The following ADARB2 variants were observed in gnomAD, a reference collection of about 807,000 sequenced individuals.
ADARB2 encodes adenosine deaminase RNA specific B2 (inactive).
ADARB2 carries 25 observed loss-of-function variants against 62.2 expected under a neutral mutation model. The observed-to-expected ratio is 0.40, with a 90% CI of 0.29 to 0.56. The LOEUF is 0.56. ADARB2 is among the 20% of genes least tolerant of loss of function. The pLI, the probability that ADARB2 is intolerant of heterozygous loss-of-function variation, is 0.43. For missense variants in ADARB2, 1,071 were observed against 1,077.4 expected (o/e 0.99, Z 0.08); for synonymous variants, 572 against 500.8 (o/e 1.14, Z -1.90).
At chr10:1,229,845 C>CGT (rs761808070) in intron 6 of ADARB2, among the ~76,000 whole-genome samples, 2,380 of 120,186 alleles carry the variant, frequency 0.02, 37 homozygotes, top group South Asian at 0.054. Flanking sequence ...CATGTGCTTA[C>CGT]GTGTGTGTGT....
Position 1,557,588 on chromosome 10 carries a change from C to T in ADARB2, c.101-178428G>A, listed in dbSNP as rs573937426. Among the ~76,000 whole-genome samples, 426 of 152,278 alleles carry T rather than the reference C, an allele frequency of 2.8e-3. 1 individual carries two copies. The highest frequency in any genetic ancestry group is 9.6e-3 in the African/African-American group (400 of 41,540). On this transcript the variant is annotated intron_variant, in intron 1 of 9. Transcript: ENST00000381312. ...TCACCTTCCTAATTCCGAGCTGTTG[C>T]CCACATTTGTTTATTTTATCAAAAG...
chr10:1,307,434 G>T (rs1831639901), intron 3 of ADARB2, among the ~76,000 whole-genome samples: 2 of 141,920 alleles, frequency 1.4e-5, no homozygotes, highest in South Asian at 5.3e-4. Flanking sequence ...GAAACAACAG[G>T]TGCTGGAGAG....
At chr10:1,187,795 G>A (rs1182807103) in intron 8 of ADARB2, 5 of 397,660 alleles carry the variant, frequency 1.3e-5, no homozygotes, top group African/African-American at 6.1e-5. Context: ...CGAGGGAGGC[G>A]CTGGCGGGTG....
rs1264506192 is a variant in ADARB2 at position 1,275,841 on chromosome 10, AT to A, written c.1078-4773del. Among the ~76,000 whole-genome samples the A allele has an allele frequency of 8.5e-4, 129 of 151,854 alleles. 1 individual carries two copies. The highest frequency in any genetic ancestry group is 2.9e-3 in the African/African-American group (121 of 41,300). ...TCCCTACAAAGGACACGAACTCATC[AT>A]TTTTTATGGCTGCATAGTATTCCAT... On this transcript the variant is annotated intron_variant, in intron 3 of 9. Coordinates refer to ENST00000381312, the MANE Select transcript of ADARB2 (RefSeq NM_018702.4).
At chr10:1,242,569 A>G (rs1188972299) in intron 4 of ADARB2, among the ~76,000 whole-genome samples, 1 of 152,198 alleles carries the variant, frequency 6.6e-6, no homozygotes, top group Non-Finnish European at 1.5e-5. Flanking sequence ...CTCCTTAGGC[A>G]CCATAGGAGC....
rs73586259 is a variant in ADARB2, at chr10:1,525,495, C to T, written c.101-146335G>A. Among the ~76,000 whole-genome samples, 473 of 152,178 alleles carry T rather than the reference C, an allele frequency of 3.1e-3. 2 individuals carry two copies. Among genetic ancestry groups the T allele is most frequent in the African/African-American group, 0.011 (451 of 41,508 alleles). On this transcript the variant is annotated intron_variant, in intron 1 of 9. Coordinates refer to ENST00000381312, the MANE Select transcript of ADARB2 (RefSeq NM_018702.4). Reference sequence around the variant, plus strand: ...TCTCATGGTCTCTCTTCGCCTCAGCCGTGCAGTTCTGTGGGTATCTAGGGG... The same window carrying T: ...TCTCATGGTCTCTCTTCGCCTCAGCTGTGCAGTTCTGTGGGTATCTAGGGG...
intron 3 of ADARB2, among the ~76,000 whole-genome samples, chr10:1,312,067 A>G (rs543852536): frequency 4.6e-5 from 7 of 152,372 alleles, no homozygotes; most frequent in Admixed American, 2.6e-4. Context: ...AACTCATGTG[A>G]AAATAAAGTA....
intron 1 of ADARB2, among the ~76,000 whole-genome samples, chr10:1,390,029 T>A (rs1426300055): frequency 6.6e-6 from 1 of 152,178 alleles, no homozygotes; most frequent in Non-Finnish European, 1.5e-5. Flanking sequence ...CGTCACAGCT[T>A]AAAATGGGAG....
chr10:1,475,762 T>C (rs1831391374), intron 1 of ADARB2, among the ~76,000 whole-genome samples: 1 of 152,208 alleles, frequency 6.6e-6, no homozygotes, highest in Non-Finnish European at 1.5e-5. Context: ...GAGATAGGGC[T>C]GCCCAATGGA....
At chr10:1,561,549 G>T (rs925061109) in intron 1 of ADARB2, among the ~76,000 whole-genome samples, 9 of 152,132 alleles carry the variant, frequency 5.9e-5, no homozygotes, top group Admixed American at 5.2e-4. Flanking sequence ...GTTCACCCAG[G>T]CTGAGAACCA....
intron 1 of ADARB2, among the ~76,000 whole-genome samples, chr10:1,438,397 C>T (rs531148840): frequency 2.3e-4 from 34 of 145,206 alleles, no homozygotes; most frequent in African/African-American, 8.8e-4. Context: ...TCATGGGGCT[C>T]CTGAGTCTCC....
At chr10:1,501,063 C>T (rs1051933209) in intron 1 of ADARB2, among the ~76,000 whole-genome samples, 18 of 152,124 alleles carry the variant, frequency 1.2e-4, no homozygotes, top group African/African-American at 3.4e-4. Flanking sequence ...TTAGTAGAGA[C>T]GGGGTTTCAT....
chr10:1,522,896 C>T (rs939085215), intron 1 of ADARB2, among the ~76,000 whole-genome samples: 1 of 152,140 alleles, frequency 6.6e-6, no homozygotes, highest in African/African-American at 2.4e-5. Flanking sequence ...TTGTTTGTGC[C>T]GCTCCAGTCC....
chr10:1,510,110 C>CTCTTTCTTTCTTTCTTTCTTCTT (rs1831909144), intron 1 of ADARB2, among the ~76,000 whole-genome samples: 11 of 106,252 alleles, frequency 1.0e-4, no homozygotes, highest in African/African-American at 4.0e-4. Flanking sequence ...CTTTCTTTCT[C>CTCTTTCTTTCTTTCTTTCTTCTT]TCTTTCTTTC....
At chr10:1,246,844 C>A (rs1220710479) in intron 4 of ADARB2, among the ~76,000 whole-genome samples, 2 of 150,912 alleles carry the variant, frequency 1.3e-5, no homozygotes, top group African/African-American at 4.9e-5. Context: ...TCCATATGAA[C>A]TTTAGTTTTT....
chr10:1,626,324 A>ACAC (rs1833768617), intron 1 of ADARB2, among the ~76,000 whole-genome samples: 12 of 140,748 alleles, frequency 8.5e-5, no homozygotes, highest in Non-Finnish European at 1.2e-4. Context: ...ACGTCTGCCC[A>ACAC]TGCTCTCTCC....
At chr10:1,723,665 C>A (rs912211534) in intron 1 of ADARB2, among the ~76,000 whole-genome samples, 3 of 152,128 alleles carry the variant, frequency 2.0e-5, no homozygotes, top group Non-Finnish European at 4.4e-5. Flanking sequence ...CTTAGAATCA[C>A]CACGGTTCTC....
Position 1,179,062 on chromosome 10 carries a change from T to C in ADARB2, c.*4131A>G, listed in dbSNP as rs979297000. 10 of 152,252 alleles carry C rather than the reference T, an allele frequency of 6.6e-5. No homozygotes were observed. The highest frequency in any genetic ancestry group is 2.4e-4 in the African/African-American group (10 of 41,480). 9.4% of individuals were successfully genotyped at this position (152,252 alleles called of 1,614,324 possible). On this transcript the variant is annotated 3_prime_UTR_variant, in exon 10 of 10. Transcript: ENST00000381312. The stretch of plus-strand genomic sequence containing the variant: ...ATGTCTACTTTATGTACGTCTCAAA[T>C]GTCTTCAGTTGTTTTAAACAATACA...
chr10:1,671,691 C>A (rs185870585), intron 1 of ADARB2, among the ~76,000 whole-genome samples: 1 of 152,200 alleles, frequency 6.6e-6, no homozygotes, highest in South Asian at 2.1e-4. Flanking sequence ...AGCATCGGTG[C>A]CACCTTTCCA....
Sources: gnomAD v4.1 joint callset for allele counts (sites outside exome capture counted in the v4.1 genomes callset) on GRCh38, gnomAD v4.1.1 for gene constraint, MANE v1.5 for transcripts, NCBI Gene and HGNC (gene_info 2026-07-23, HGNC 2026-07-21) for gene names.